Variants in RNPEPL1 observed in about 807,000 individuals in gnomAD.
The protein encoded by RNPEPL1 is aminopeptidase RNPEPL1.
A neutral mutation model predicts 69.0 loss-of-function variants in RNPEPL1; 46 were observed. That is an observed-to-expected ratio of 0.67 (90% CI 0.53 to 0.85). RNPEPL1 has a LOEUF of 0.85. Among genes scored for constraint, RNPEPL1 ranks in the 40% least tolerant of loss-of-function variants. The probability of loss-of-function intolerance (pLI) is 0.00; values close to 1 mark genes in which losing one functional copy is unlikely to be tolerated. For synonymous variants in RNPEPL1, 525 were observed against 454.1 expected (o/e 1.16, Z -1.98); for missense variants, 869 against 992.5 (o/e 0.88, Z 1.67).
In RNPEPL1 at chr2:240,568,697, G is replaced by A. The variant is rs1325070458; in HGVS notation, c.111G>A (p.Gln37=). 4.7e-6 allele frequency: 5 copies of A among 1,062,484 alleles called. No homozygotes were observed. The highest frequency in any genetic ancestry group is 5.7e-6 in the Non-Finnish European group (5 of 875,268). 65.8% of individuals were successfully genotyped at this position (1,062,484 alleles called of 1,614,324 possible). The change falls in exon 1 of 11, where the codon CAG becomes CAA. Residue 37 remains glutamine, a synonymous_variant. Coordinates refer to ENST00000270357, the MANE Select transcript of RNPEPL1 (RefSeq NM_018226.6). This position sits in a 1 kb window ranked among gnomAD's most constrained non-coding sequence, Gnocchi z 6.2. ...ACGTGGCCTCGGCCTCCAGCGCGCA[G>A]CTCTTCCGCCTCCGCCACCTGCAGC... ...ALDVASASSA[Q]LFRLRHLQLG...
At position 240,572,468 on chromosome 2, in the gene RNPEPL1, T is replaced by G; in HGVS notation, c.574T>G (p.Phe192Val). ...PELTYGCAKP[F>V]VFTQGHSVCN... ...GCTGACCTATGGCTGCGCCAAGCCC[T>G]TCGTCTTCACCCAGGGCCACTCCGT... The change falls in exon 2 of 11, where the codon TTC becomes GTC. Residue 192 changes from phenylalanine to valine, a missense_variant. Phe to Val is a conservative substitution (Grantham distance 50, BLOSUM62 -1). Coordinates refer to ENST00000270357, the MANE Select transcript of RNPEPL1 (RefSeq NM_018226.6). The G allele has an allele frequency of 6.5e-7, 1 of 1,536,266 alleles. No homozygotes were observed. The highest frequency in any genetic ancestry group is 8.7e-7 in the Non-Finnish European group (1 of 1,146,862).
chr2:240,570,135 A>G (rs1028596273), intron 1 of RNPEPL1, among the ~76,000 whole-genome samples: 1 of 152,218 alleles, frequency 6.6e-6, no homozygotes, highest in Non-Finnish European at 1.5e-5. Context: ...CCAGTATGAC[A>G]GGTGAGAACT....
At chr2:240,575,169 C>T in intron 7 of RNPEPL1, 27 bp downstream of exon 7, 3 of 1,576,584 alleles carry the variant, frequency 1.9e-6, no homozygotes, top group Non-Finnish European at 1.7e-6. Context: ...CCGGGACGGC[C>T]CTGCTGCCAT....
intron 5 of RNPEPL1, 58 bp from the exon 6 acceptor site, chr2:240,574,457 C>T (rs1301093076): frequency 3.9e-6 from 6 of 1,549,328 alleles, no homozygotes; most frequent in Non-Finnish European, 4.4e-6. Flanking sequence ...ACACCTCCTG[C>T]TTCCCCCGAC....
rs1383452201 is a variant in RNPEPL1, at chr2:240,580,319, T to C, written c.*2427T>C. Reference sequence around the variant, plus strand: ...GCCTCATGAGTCATCCCAGTTGAGCTTTACCAAATGTTTTGCCCCACCTAA... The same window carrying C: ...GCCTCATGAGTCATCCCAGTTGAGCCTTACCAAATGTTTTGCCCCACCTAA... On this transcript the variant is annotated 3_prime_UTR_variant, in exon 11 of 11. Transcript: ENST00000270357. The C allele has an allele frequency of 6.6e-6, 1 of 152,164 alleles. No individual in the cohort carries two copies. Among genetic ancestry groups the C allele is most frequent in the East Asian group, 1.9e-4 (1 of 5,194 alleles). The allele number at this position is 152,164 out of a possible 1,614,324, so 9.4% of individuals were successfully genotyped here. A position where few individuals can be genotyped will look rare whatever the true frequency, so the allele number is the denominator to read the frequency against.
chr2:240,579,203 C>CCAGGCCCAGTCA lies in RNPEPL1; in HGVS notation c.*1315_*1326dup, dbSNP rs1402015246. The CCAGGCCCAGTCA allele has an allele frequency of 9.8e-5, 15 of 152,380 alleles. No homozygotes were observed. Among genetic ancestry groups the CCAGGCCCAGTCA allele is most frequent in the African/African-American group, 3.1e-4 (13 of 41,448 alleles). 9.4% of individuals were successfully genotyped at this position (152,380 alleles called of 1,614,324 possible). On this transcript the variant is annotated 3_prime_UTR_variant, in exon 11 of 11. Coordinates refer to ENST00000270357, the MANE Select transcript of RNPEPL1 (RefSeq NM_018226.6). ...CACGTCTCTTCTCCCAACCCGCTGG[C>CCAGGCCCAGTCA]CAGGCCCAGTCACAGCCCCACTCCA...
At chr2:240,570,176 G>C (rs1283805795) in intron 1 of RNPEPL1, among the ~76,000 whole-genome samples, 1 of 152,234 alleles carries the variant, frequency 6.6e-6, no homozygotes, top group African/African-American at 2.4e-5. Flanking sequence ...GCCTTGATCC[G>C]TGTTTGGAGC....
rs117498581 is a variant in RNPEPL1 at position 240,579,285 on chromosome 2, C to T, written c.*1393C>T. 6.6e-6 allele frequency: 1 copy of T among 152,360 alleles called. No homozygotes were observed. Among genetic ancestry groups the T allele is most frequent in the East Asian group, 1.9e-4 (1 of 5,172 alleles). The allele number at this position is 152,360 out of a possible 1,614,324, so 9.4% of individuals were successfully genotyped here. A position where few individuals can be genotyped will look rare whatever the true frequency, so the allele number is the denominator to read the frequency against. ...AGGTGCTGGGCAAATAACCCTGATA[C>T]CATCACTGTCCAGTCCCCAGTCACC... On this transcript the variant is annotated 3_prime_UTR_variant, in exon 11 of 11. Transcript: ENST00000270357.
At chr2:240,571,905 A>G (rs2093022724) in intron 1 of RNPEPL1, among the ~76,000 whole-genome samples, 1 of 151,590 alleles carries the variant, frequency 6.6e-6, no homozygotes, top group Non-Finnish European at 1.5e-5. Flanking sequence ...CCTCCAGGCG[A>G]GGCTGCCTGG....
Position 240,581,008 on chromosome 2 carries a change from C to CT in RNPEPL1, c.*3117dup, listed in dbSNP as rs1405111430. 9.9e-5 allele frequency: 15 copies of CT among 152,222 alleles called. No individual in the cohort carries two copies. The highest frequency in any genetic ancestry group is 9.8e-4 in the Admixed American group (15 of 15,286). The allele number at this position is 152,222 out of a possible 1,614,324, so 9.4% of individuals were successfully genotyped here. On this transcript the variant is annotated 3_prime_UTR_variant, in exon 11 of 11. Transcript: ENST00000270357. ...AGAGTGTTTCTCTGCCATCCCTACT[C>CT]TAACTGGGACTTATTGGTGGTGTTT...
intron 1 of RNPEPL1, among the ~76,000 whole-genome samples, chr2:240,569,825 C>T (rs1209971592): frequency 6.6e-6 from 1 of 152,226 alleles, no homozygotes; most frequent in African/African-American, 2.4e-5. Flanking sequence ...ATATGCAAGA[C>T]ACACACAGCT....
rs77689801 is a variant in RNPEPL1 at position 240,573,782 on chromosome 2, G to A, written c.829G>A (p.Val277Met). 33 of 1,541,694 alleles carry A rather than the reference G, an allele frequency of 2.1e-5. No homozygotes were observed. Among genetic ancestry groups the A allele is most frequent in the African/African-American group, 8.2e-5 (6 of 72,968 alleles). ...KPADIGPRSR[V>M]WAEPCLLPTA... ...CCTCTCTGCATGCACCAGGAGCCGCGTGTGGGCCGAGCCATGCCTCCTGCC... is the reference window on the plus strand; with the variant it reads ...CCTCTCTGCATGCACCAGGAGCCGCATGTGGGCCGAGCCATGCCTCCTGCC... Residue 277 changes from valine (V) to methionine (M), a missense_variant, in exon 4 of 11, where the codon GTG becomes ATG. By Grantham distance (21) the Val-to-Met change is conservative (BLOSUM62 1). Transcript: ENST00000270357.
At position 240,576,784 on chromosome 2, in the gene RNPEPL1, T is replaced by C; in HGVS notation, c.1741+19T>C. The C allele has an allele frequency of 6.2e-7, 1 of 1,612,458 alleles. No homozygotes were observed. The highest frequency in any genetic ancestry group is 8.5e-7 in the Non-Finnish European group (1 of 1,179,658). ...CCGCAGGGTGAGTCCCTGCAGCTGA[T>C]GGGGGCGGCCCAGGGGCTGGGGTGC... On this transcript the variant is annotated intron_variant, in intron 9 of 10. Coordinates refer to ENST00000270357, the MANE Select transcript of RNPEPL1 (RefSeq NM_018226.6).
chr2:240,569,933 A>G (rs2093016513), intron 1 of RNPEPL1, among the ~76,000 whole-genome samples: 1 of 152,242 alleles, frequency 6.6e-6, no homozygotes, highest in African/African-American at 2.4e-5. Context: ...CAAAGAGCCA[A>G]GGTGACATCT....
chr2:240,575,913 G>A (rs1179257111), intron 8 of RNPEPL1: 3 of 433,118 alleles, frequency 6.9e-6, no homozygotes, highest in African/African-American at 2.0e-5. Context: ...GGTGACGGGG[G>A]TGTCCTGGAG....
intron 5 of RNPEPL1, 55 bp downstream of exon 5, chr2:240,574,403 G>A (rs1008753138): frequency 3.2e-6 from 5 of 1,568,758 alleles, no homozygotes; most frequent in Non-Finnish European, 3.5e-6. Flanking sequence ...CTGGTCCAGG[G>A]GCAGAGAGCC....
At position 240,576,997 on chromosome 2, in the gene RNPEPL1, T is replaced by G; in HGVS notation, c.1884+7T>G. The G allele has an allele frequency of 6.2e-7, 1 of 1,612,672 alleles. No individual in the cohort carries two copies. The stretch of plus-strand genomic sequence containing the variant: ...GCGCTTCCTGGAGAGCCAGGTGCGG[T>G]CACCTGCCCAGGGGGCCAGCCTGGA... On this transcript the variant is annotated splice_region_variant and intron_variant, in intron 10 of 10. Transcript: ENST00000270357.
chr2:240,574,105 C>T lies in RNPEPL1; in HGVS notation c.939-8C>T, dbSNP rs374604121. On this transcript the variant is annotated splice_polypyrimidine_tract_variant and splice_region_variant and intron_variant, in intron 4 of 10. Coordinates refer to ENST00000270357, the MANE Select transcript of RNPEPL1 (RefSeq NM_018226.6). ...AGGTCTGCCACCCTCACCGCCCTCC[C>T]GGTGCAGGTACGACATTGTCTTCCT... 38 of 1,610,892 alleles carry T rather than the reference C, an allele frequency of 2.4e-5. No individual in the cohort carries two copies. Among genetic ancestry groups the T allele is most frequent in the South Asian group, 1.4e-4 (13 of 91,012 alleles).
rs1490044319 is a variant in RNPEPL1, at chr2:240,581,310, A to G, written c.*3418A>G. ...CAAGAACAGGTAGTTTATAAAAAAG[A>G]ACCAGTCAGAGACCCTGGAAATTTT... On this transcript the variant is annotated 3_prime_UTR_variant, in exon 11 of 11. Coordinates refer to ENST00000270357, the MANE Select transcript of RNPEPL1 (RefSeq NM_018226.6). 6.6e-6 allele frequency: 1 copy of G among 152,264 alleles called. No homozygotes were observed. Among genetic ancestry groups the G allele is most frequent in the Non-Finnish European group, 1.5e-5 (1 of 68,054 alleles). The allele number at this position is 152,264 out of a possible 1,614,324, so 9.4% of individuals were successfully genotyped here. A position where few individuals can be genotyped will look rare whatever the true frequency, so the allele number is the denominator to read the frequency against.
Sources: gnomAD v4.1 joint callset for allele counts (sites outside exome capture counted in the v4.1 genomes callset) on GRCh38, gnomAD v4.1.1 for gene constraint, Gnocchi (gnomAD v3.1) non-coding constraint, MANE v1.5 for transcripts, NCBI Gene and HGNC (gene_info 2026-07-23, HGNC 2026-07-21) for gene names.